Variants in ATAD2B observed in about 807,000 individuals in gnomAD.
The protein encoded by ATAD2B is ATPase family AAA domain containing 2B.
ATAD2B carries 40 observed loss-of-function variants against 167.6 expected under a neutral mutation model. The ratio of observed to expected loss-of-function variants is 0.24; its 90% CI spans 0.19 to 0.31. The LOEUF is 0.31. Among genes scored for constraint, ATAD2B ranks in the 10% least tolerant of loss-of-function variants. The pLI is 1.00. For synonymous variants in ATAD2B, 579 were observed against 596.5 expected (o/e 0.97, Z 0.43); for missense variants, 1,242 against 1,757.2 (o/e 0.71, Z 5.24).
At chr2:23,691,926 CG>C in the ATAD2B span, 9 of 1,508,144 alleles carry the variant, frequency 6.0e-6, no homozygotes, top group Non-Finnish European at 8.1e-6. Flanking sequence ...TGCAGATGGG[CG>C]GAGAACTCCA....
At chr2:23,814,898 C>CA (rs527944565) in intron 17 of ATAD2B, among the ~76,000 whole-genome samples, 5 of 151,224 alleles carry the variant, frequency 3.3e-5, no homozygotes, top group East Asian at 3.9e-4. Context: ...ACTAAAAATA[C>CA]AAAAAAAATT....
chr2:23,863,423 C>CTTT lies in ATAD2B; in HGVS notation c.1436_1437insAAA (p.Trp479delinsTer). ...TAAGTTGCCTTTCAGATTCACCAACCCACTTGCTCAAACAATCTGCTCCTT... is the reference window on the plus strand; with the variant it reads ...TAAGTTGCCTTTCAGATTCACCAACCTTTCACTTGCTCAAACAATCTGCTCCTT... On this transcript the variant is annotated stop_gained, in exon 12 of 28. Transcript: ENST00000238789. LOFTEE classifies it high-confidence loss of function. 6.4e-7 allele frequency: 1 copy of CTTT among 1,552,288 alleles called. No homozygotes were observed. Among genetic ancestry groups the CTTT allele is most frequent in the Non-Finnish European group, 8.7e-7 (1 of 1,147,140 alleles).
At chr2:23,799,703 G>C (rs1422080681) in intron 18 of ATAD2B, 1 of 151,050 alleles carries the variant, frequency 6.6e-6, no homozygotes, top group Non-Finnish European at 1.5e-5. Context: ...TTTTTAAATA[G>C]TGTATTTTAT....
chr2:23,861,460 G>T (rs1694354639), intron 12 of ATAD2B, among the ~76,000 whole-genome samples: 1 of 145,806 alleles, frequency 6.9e-6, no homozygotes. Flanking sequence ...CTTAACTTAG[G>T]AATGCAGAAT....
At chr2:23,828,973 C>T in intron 14 of ATAD2B, 34 bp from the exon 15 acceptor site, 1 of 1,419,408 alleles carries the variant, frequency 7.0e-7, no homozygotes, top group Non-Finnish European at 9.9e-7. Context: ...TAAAATCTTG[C>T]CCAAGAAGAA....
At chr2:23,868,210 T>G (rs1162914473) in intron 9 of ATAD2B, among the ~76,000 whole-genome samples, 1 of 152,176 alleles carries the variant, frequency 6.6e-6, no homozygotes, top group Non-Finnish European at 1.5e-5. Context: ...TAGGAAAACA[T>G]CTTAACATAC....
intron 12 of ATAD2B, among the ~76,000 whole-genome samples, chr2:23,862,692 C>T (rs1479169715): frequency 1.3e-5 from 2 of 152,192 alleles, no homozygotes; most frequent in African/African-American, 4.8e-5. Flanking sequence ...AAAGCATTCA[C>T]TCATGTCTGA....
chr2:23,777,723 AG>A (rs1679382919), intron 22 of ATAD2B, among the ~76,000 whole-genome samples: 1 of 152,140 alleles, frequency 6.6e-6, no homozygotes, highest in Non-Finnish European at 1.5e-5. Context: ...GGGATATAGG[AG>A]GGGTGAACTG....
At chr2:23,693,923 G>A in the ATAD2B span, among the ~76,000 whole-genome samples, 13 of 152,318 alleles carry the variant, frequency 8.5e-5, no homozygotes, top group East Asian at 2.3e-3. Context: ...GTGAGGTCCT[G>A]AGGGGACTGT....
chr2:23,805,918 T>G (rs76348260), intron 18 of ATAD2B, among the ~76,000 whole-genome samples: 3,399 of 152,240 alleles, frequency 0.022, 134 homozygotes, highest in African/African-American at 0.078. Context: ...TTGCCAATTT[T>G]TATATTAGAT....
chr2:23,754,405 G>A lies in ATAD2B; in HGVS notation c.4207-98C>T, dbSNP rs1411066140. Reference sequence around the variant, plus strand: ...CTAGTCAATAAACACCATAAAGCGAGGATGTAACAGTGAACATGAAATTAA... The same window carrying A: ...CTAGTCAATAAACACCATAAAGCGAAGATGTAACAGTGAACATGAAATTAA... On this transcript the variant is annotated intron_variant, in intron 26 of 27. Coordinates refer to ENST00000238789, the MANE Select transcript of ATAD2B (RefSeq NM_017552.4). The A allele has an allele frequency of 4.7e-6, 6 of 1,275,438 alleles. No homozygotes were observed. In the East Asian group the frequency reaches 1.0e-4, roughly 22 times the overall value. The allele number at this position is 1,275,438 out of a possible 1,614,324, so 79.0% of individuals were successfully genotyped here. A position where few individuals can be genotyped will look rare whatever the true frequency, so the allele number is the denominator to read the frequency against.
chr2:23,715,139 T>C, the ATAD2B span, among the ~76,000 whole-genome samples: 1 of 152,208 alleles, frequency 6.6e-6, no homozygotes, highest in Non-Finnish European at 1.5e-5. Flanking sequence ...TGGAAAAGGC[T>C]CTTAGACATT....
the ATAD2B span, among the ~76,000 whole-genome samples, chr2:23,698,712 T>C: frequency 3.3e-5 from 5 of 152,150 alleles, no homozygotes; most frequent in Non-Finnish European, 2.9e-5. Context: ...GCAGTCACTG[T>C]GGTTACTGGA....
chr2:23,721,152 C>G, the ATAD2B span, among the ~76,000 whole-genome samples: 2 of 152,212 alleles, frequency 1.3e-5, no homozygotes, highest in African/African-American at 4.8e-5. Flanking sequence ...TGCCCTACCC[C>G]TCAAGCCTCC....
rs183645141 is a variant in ATAD2B, at chr2:23,854,791, T to C, written c.1568+2624A>G. ...TCAAGCAGAACACAAAAGGCACAGA[T>C]ACATTTTTTAAATCTATATGGTGGC... is the stretch of plus-strand genomic sequence containing the variant. On this transcript the variant is annotated intron_variant, in intron 13 of 27. Transcript: ENST00000238789. 2.6e-5 allele frequency among the ~76,000 whole-genome samples: 4 copies of C among 152,194 alleles called. No homozygotes were observed. In the East Asian group the frequency reaches 5.8e-4, roughly 22 times the overall value.
intron 18 of ATAD2B, among the ~76,000 whole-genome samples, chr2:23,808,141 C>CTAA (rs1684924404): frequency 1.5e-5 from 1 of 65,078 alleles, no homozygotes; most frequent in Non-Finnish European, 3.0e-5. Context: ...TAAGTGATTA[C>CTAA]TTATATTATA....
intron 1 of ATAD2B, among the ~76,000 whole-genome samples, chr2:23,898,779 G>A (rs747609045): frequency 2.8e-4 from 43 of 152,180 alleles, no homozygotes; most frequent in Non-Finnish European, 4.6e-4. Context: ...AAGGCAGGAC[G>A]ACTGCTTGAG....
the ATAD2B span, among the ~76,000 whole-genome samples, chr2:23,709,766 C>T: frequency 6.6e-6 from 1 of 152,282 alleles, no homozygotes; most frequent in East Asian, 1.9e-4. Flanking sequence ...GTGATACCTT[C>T]AGTCCTAAAG....
chr2:23,873,651 C>G (rs943379849), intron 8 of ATAD2B, among the ~76,000 whole-genome samples: 1 of 152,060 alleles, frequency 6.6e-6, no homozygotes, highest in African/African-American at 2.4e-5. Context: ...GGGGTTTTTT[C>G]TCAAATATTT....
Sources: allele counts gnomAD v4.1 joint callset (sites outside exome capture counted in the v4.1 genomes callset), GRCh38; gene constraint gnomAD v4.1.1; transcripts MANE v1.5; gene names NCBI Gene and HGNC (gene_info 2026-07-23, HGNC 2026-07-21).